The following FNDC3B variants were observed in gnomAD, a reference collection of about 807,000 sequenced individuals.
The protein encoded by FNDC3B is fibronectin type III domain containing 3B, also known as fibronectin type III domain-containing protein 3B.
Under a neutral mutation model 151.5 loss-of-function variants are expected in FNDC3B, and 12 were observed. The observed-to-expected ratio is 0.08, with a 90% CI of 0.05 to 0.13. FNDC3B has a LOEUF of 0.13. FNDC3B is among the 10% of genes least tolerant of loss of function. The pLI, the probability that FNDC3B is intolerant of heterozygous loss-of-function variation, is 1.00. For missense variants in FNDC3B, 1,214 were observed against 1,505.3 expected, an observed-to-expected ratio of 0.81 and a Z score of 3.20; for synonymous variants, 528 against 549.0, an observed-to-expected ratio of 0.96 and a Z score of 0.54.
At chr3:172,338,274 A>T (rs941636370) in intron 16 of FNDC3B, 1 of 142,668 alleles carries the variant, frequency 7.0e-6, no homozygotes, top group Non-Finnish European at 1.5e-5. Context: ...AGATTGCACC[A>T]CTGCACTCCA....
intron 6 of FNDC3B, among the ~76,000 whole-genome samples, chr3:172,277,674 T>A (rs1729502137): frequency 6.6e-6 from 1 of 152,186 alleles, no homozygotes; most frequent in South Asian, 2.1e-4. Flanking sequence ...CAATTTCACA[T>A]AAAATTTTGC....
intron 3 of FNDC3B, among the ~76,000 whole-genome samples, chr3:172,191,364 A>C (rs913778992): frequency 6.6e-6 from 1 of 152,234 alleles, no homozygotes; most frequent in African/African-American, 2.4e-5. Flanking sequence ...AAGTACCATC[A>C]GAACTGATAG....
rs564783893 is a variant in FNDC3B, at chr3:172,300,547, A to G, written c.1061+1760A>G. Reference sequence around the variant, plus strand: ...ATTTTTACCGACAAAACCTATGAACATCTTGAACTTCTGGGCAGATAGAAT... The same window carrying G: ...ATTTTTACCGACAAAACCTATGAACGTCTTGAACTTCTGGGCAGATAGAAT... On this transcript the variant is annotated intron_variant, in intron 9 of 25. Coordinates refer to ENST00000415807, the MANE Select transcript of FNDC3B (RefSeq NM_022763.4). 2.0e-5 allele frequency among the ~76,000 whole-genome samples: 3 copies of G among 152,256 alleles called. No homozygotes were observed. In the East Asian group the frequency reaches 5.8e-4, roughly 29 times the overall value.
chr3:172,074,831 T>G (rs1717933310), intron 1 of FNDC3B, among the ~76,000 whole-genome samples: 1 of 152,198 alleles, frequency 6.6e-6, no homozygotes, highest in African/African-American at 2.4e-5. Flanking sequence ...GCATCTGGCA[T>G]AATTGGTGTT....
chr3:172,287,350 G>A (rs531517761), intron 7 of FNDC3B, among the ~76,000 whole-genome samples: 2 of 152,316 alleles, frequency 1.3e-5, no homozygotes, highest in East Asian at 3.9e-4. Flanking sequence ...GATACAGCGG[G>A]CGGTCGCAAA....
At chr3:172,181,416 A>C (rs1316053561) in intron 3 of FNDC3B, among the ~76,000 whole-genome samples, 13 of 112,132 alleles carry the variant, frequency 1.2e-4, no homozygotes, top group African/African-American at 3.4e-4. Flanking sequence ...AAAAAAAAAC[A>C]AAAAAAAACA....
In FNDC3B at chr3:172,356,391, T is replaced by C. The variant is rs370956181; in HGVS notation, c.2795+3308T>C. The stretch of plus-strand genomic sequence containing the variant: ...GTATTTTGATAAGAGGTCAGGTACC[T>C]AGTATGGGGCCTGACACATAGTAAA... On this transcript the variant is annotated intron_variant, in intron 22 of 25. Transcript: ENST00000415807. 9.2e-5 allele frequency among the ~76,000 whole-genome samples: 14 copies of C among 152,354 alleles called. 1 individual carries two copies. The highest frequency in any genetic ancestry group is 3.1e-4 in the African/African-American group (13 of 41,582).
At chr3:172,297,626 C>T (rs1017091976) in intron 8 of FNDC3B, among the ~76,000 whole-genome samples, 6 of 152,176 alleles carry the variant, frequency 3.9e-5, no homozygotes, top group Non-Finnish European at 7.3e-5. Context: ...AGGTGCCCGC[C>T]ACCACGCCCG....
At position 172,194,376 on chromosome 3, in the gene FNDC3B, TGATG is replaced by T. The variant is rs202065699; in HGVS notation, c.188-32490_188-32487del. On this transcript the variant is annotated intron_variant, in intron 3 of 25. Coordinates refer to ENST00000415807, the MANE Select transcript of FNDC3B (RefSeq NM_022763.4). Reference sequence around the variant, plus strand: ...AATGTAAACGTGTGATTCTTGTCGTTGATGGATGACCTTACCTGTCAAGTGAAAT... The same window carrying T: ...AATGTAAACGTGTGATTCTTGTCGTTGATGACCTTACCTGTCAAGTGAAAT... 5.4e-3 allele frequency among the ~76,000 whole-genome samples: 820 copies of T among 152,346 alleles called. 4 individuals are homozygous for T. The highest frequency in any genetic ancestry group is 0.019 in the African/African-American group (779 of 41,582).
intron 4 of FNDC3B, among the ~76,000 whole-genome samples, chr3:172,229,138 A>ACACACACACAC (rs1726757663): frequency 1.1e-5 from 1 of 88,074 alleles, no homozygotes; most frequent in African/African-American, 4.8e-5. Context: ...CACACACACA[A>ACACACACACAC]TCTCCTGCAG....
intron 1 of FNDC3B, among the ~76,000 whole-genome samples, chr3:172,063,240 A>G (rs1342657445): frequency 6.6e-6 from 1 of 152,024 alleles, no homozygotes; most frequent in Admixed American, 6.6e-5. Context: ...TGTTTACTTC[A>G]TCCCCACCCA....
chr3:172,163,407 A>C (rs754303751), intron 3 of FNDC3B, among the ~76,000 whole-genome samples: 2 of 152,212 alleles, frequency 1.3e-5, no homozygotes, highest in African/African-American at 2.4e-5. Context: ...GTAAACATTA[A>C]TAATCATTAA....
chr3:172,344,322 C>A, intron 19 of FNDC3B, 64 bp downstream of exon 19: 1 of 1,461,512 alleles, frequency 6.8e-7, no homozygotes, highest in Admixed American at 2.1e-5. Flanking sequence ...AAAGTGCTAG[C>A]ACTTCTGTCT....
chr3:172,351,161 C>G (rs1030375773), intron 21 of FNDC3B, among the ~76,000 whole-genome samples: 1 of 152,030 alleles, frequency 6.6e-6, no homozygotes, highest in African/African-American at 2.4e-5. Context: ...TAAAGTACAG[C>G]AAAGAAGGGA....
At chr3:172,145,728 T>A (rs538944410) in intron 3 of FNDC3B, among the ~76,000 whole-genome samples, 1 of 152,200 alleles carries the variant, frequency 6.6e-6, no homozygotes, top group Non-Finnish European at 1.5e-5. Context: ...ATGCTAGAAC[T>A]GAGCTTGTGT....
At chr3:172,161,608 A>G (rs548073777) in intron 3 of FNDC3B, among the ~76,000 whole-genome samples, 2 of 152,350 alleles carry the variant, frequency 1.3e-5, no homozygotes, top group South Asian at 2.1e-4. Context: ...CACTGGACAC[A>G]TGCGTGTATT....
intron 3 of FNDC3B, among the ~76,000 whole-genome samples, chr3:172,183,157 G>C (rs1381672383): frequency 6.6e-6 from 1 of 152,154 alleles, no homozygotes; most frequent in Non-Finnish European, 1.5e-5. Context: ...GAGACTTTCT[G>C]ATTAGTGAGC....
At chr3:172,262,144 G>C (rs915502565) in intron 6 of FNDC3B, among the ~76,000 whole-genome samples, 2 of 152,216 alleles carry the variant, frequency 1.3e-5, no homozygotes, top group Non-Finnish European at 2.9e-5. Flanking sequence ...TGATTGGATA[G>C]ACTGTGGAAT....
Position 172,344,162 on chromosome 3 carries a change from G to A in FNDC3B, c.2154G>A (p.Ser718=), listed in dbSNP as rs758498126. 36 of 1,614,028 alleles carry A rather than the reference G, an allele frequency of 2.2e-5. No individual in the cohort carries two copies. The highest frequency in any genetic ancestry group is 3.3e-4 in the Middle Eastern group (2 of 6,084). The change falls in exon 19 of 26, where the codon TCG becomes TCA. Residue 718 remains serine, a synonymous_variant. Transcript: ENST00000415807. ...VEMTEPEDVA[S]EVYHGPELEC... ...TGACGGAGCCCGAAGACGTAGCCTC[G>A]GAAGTGTACCATGGCCCAGAGCTGG...
Sources: allele counts gnomAD v4.1 joint callset (sites outside exome capture counted in the v4.1 genomes callset), GRCh38; gene constraint gnomAD v4.1.1; transcripts MANE v1.5; gene names NCBI Gene and HGNC (gene_info 2026-07-23, HGNC 2026-07-21).